TRPM6: variants seen among roughly 807,000 people sequenced by gnomAD.
TRPM6 encodes the protein channel kinase 2.
In TRPM6, 111 loss-of-function variants were observed where a neutral mutation model predicts 247.6. The ratio of observed to expected loss-of-function variants is 0.45; its 90% CI spans 0.38 to 0.52. The LOEUF is 0.52. Among genes scored for constraint, TRPM6 ranks in the 20% least tolerant of loss-of-function variants. The pLI is 0.00. For missense variants in TRPM6, 2,126 were observed against 2,421.5 expected (o/e 0.88, Z 2.56); for synonymous variants, 892 against 853.8 (o/e 1.04, Z -0.78).
intron 1 of TRPM6, among the ~76,000 whole-genome samples, chr9:74,873,001 G>A (rs1022755642): frequency 1.5e-4 from 23 of 152,090 alleles, no homozygotes; most frequent in African/African-American, 5.6e-4. Context: ...TTATTCTCAA[G>A]ATAAAGTTGT....
At chr9:74,741,895 A>AAAAAT (rs1825877417) in intron 33 of TRPM6, among the ~76,000 whole-genome samples, 1 of 151,996 alleles carries the variant, frequency 6.6e-6, no homozygotes, top group Non-Finnish European at 1.5e-5. Context: ...CATCTCAAAA[A>AAAAAT]AAAAATAAAA....
At chr9:74,802,258 G>C (rs1828368652) in intron 15 of TRPM6, 83 bp from the exon 16 acceptor site, 1 of 1,329,812 alleles carries the variant, frequency 7.5e-7, no homozygotes, top group Admixed American at 2.0e-5. Flanking sequence ...AGGTGTCCTA[G>C]AGATTTTTTT....
intron 21 of TRPM6, 61 bp from the exon 22 acceptor site, chr9:74,782,914 A>G: frequency 6.7e-7 from 1 of 1,500,658 alleles, no homozygotes; most frequent in East Asian, 2.3e-5. Flanking sequence ...AAAGAAACCA[A>G]ACACCAGCAG....
At chr9:74,724,873 T>C in intron 38 of TRPM6, 127 bp from the exon 39 acceptor site, 2 of 1,236,432 alleles carry the variant, frequency 1.6e-6, no homozygotes, top group Non-Finnish European at 2.3e-6. Flanking sequence ...CATAGATATG[T>C]GGAACTCAAA....
intron 28 of TRPM6, among the ~76,000 whole-genome samples, chr9:74,754,874 C>T (rs1002495975): frequency 1.3e-5 from 2 of 152,180 alleles, no homozygotes; most frequent in Non-Finnish European, 2.9e-5. Context: ...TCCATCTTCT[C>T]TCCTCTACAA....
At chr9:74,779,050 C>T (rs1412346466) in intron 23 of TRPM6, among the ~76,000 whole-genome samples, 1 of 152,156 alleles carries the variant, frequency 6.6e-6, no homozygotes, top group Non-Finnish European at 1.5e-5. Flanking sequence ...AGACACTGGA[C>T]ATTTTTAATA....
At chr9:74,876,354 A>G (rs975936915) in intron 1 of TRPM6, among the ~76,000 whole-genome samples, 2 of 152,226 alleles carry the variant, frequency 1.3e-5, no homozygotes, top group African/African-American at 2.4e-5. Flanking sequence ...AAGTGCTGGG[A>G]TTACAGGTGT....
intron 14 of TRPM6, chr9:74,804,848 A>G: frequency 2.2e-6 from 1 of 446,346 alleles, no homozygotes; most frequent in Non-Finnish European, 4.0e-6. Flanking sequence ...CTAAAAAAAG[A>G]AAAGTCCGAA....
intron 6 of TRPM6, among the ~76,000 whole-genome samples, chr9:74,833,656 G>T (rs1197200167): frequency 1.3e-5 from 2 of 152,204 alleles, no homozygotes. Context: ...CAATCATTCA[G>T]GCAACAGATA....
intron 1 of TRPM6, among the ~76,000 whole-genome samples, chr9:74,879,198 G>A (rs1381301807): frequency 6.6e-6 from 1 of 151,456 alleles, no homozygotes; most frequent in African/African-American, 2.4e-5. Flanking sequence ...ATATTAGAAA[G>A]CTTCAACAAT....
chr9:74,773,761 C>A (rs572696772), intron 24 of TRPM6, among the ~76,000 whole-genome samples: 1 of 152,102 alleles, frequency 6.6e-6, no homozygotes, highest in Non-Finnish European at 1.5e-5. Flanking sequence ...AAATTAATGA[C>A]AAAAAATCTG....
At chr9:74,837,821 C>G (rs1829783087) in intron 5 of TRPM6, among the ~76,000 whole-genome samples, 1 of 150,536 alleles carries the variant, frequency 6.6e-6, no homozygotes, top group African/African-American at 2.5e-5. Context: ...ATGATCATAG[C>G]TCACTGCAGC....
rs1413650398 is a variant in TRPM6, at chr9:74,737,570, CA to C, written c.5776+836del. On this transcript the variant is annotated intron_variant, in intron 36 of 38. Coordinates refer to ENST00000360774, the MANE Select transcript of TRPM6 (RefSeq NM_017662.5). ...TAAAAGAACAGTGAAAAGAAAAGAA[CA>C]GGGATGTCTTAAGAACAGCTTAAGT... is the stretch of plus-strand genomic sequence containing the variant. The C allele has an allele frequency of 7.3e-6, 4 of 546,596 alleles. No individual in the cohort carries two copies. In the East Asian group the frequency reaches 2.7e-4, roughly 37 times the overall value. 33.9% of individuals were successfully genotyped at this position (546,596 alleles called of 1,614,324 possible). A position where few individuals can be genotyped will look rare whatever the true frequency, so the allele number is the denominator to read the frequency against.
At chr9:74,796,701 A>G in intron 18 of TRPM6, 40 bp downstream of exon 18, 1 of 1,605,906 alleles carries the variant, frequency 6.2e-7, no homozygotes, top group East Asian at 2.2e-5. Flanking sequence ...GCGTGCAGTC[A>G]ATACAATGAA....
At chr9:74,805,665 A>G (rs1828501827) in intron 14 of TRPM6, among the ~76,000 whole-genome samples, 1 of 152,134 alleles carries the variant, frequency 6.6e-6, no homozygotes, top group South Asian at 2.1e-4. Flanking sequence ...AGCAAACTAT[A>G]CCTGGGTGAC....
At chr9:74,760,379 A>C (rs988412922) in intron 27 of TRPM6, among the ~76,000 whole-genome samples, 2 of 152,222 alleles carry the variant, frequency 1.3e-5, no homozygotes, top group Admixed American at 1.3e-4. Flanking sequence ...TCAGTACAGT[A>C]ACATGCTGTA....
rs749470903 is a variant in TRPM6 at position 74,788,649 on chromosome 9, A to G, written c.2632T>C (p.Tyr878His). 6.2e-7 allele frequency: 1 copy of G among 1,613,978 alleles called. No individual in the cohort carries two copies. The highest frequency in any genetic ancestry group is 8.5e-7 in the Non-Finnish European group (1 of 1,179,896). ...ACCTCAATAGCATTGGTGAAGATGT[A>G]AATGCTAACAAGCCACTCCTGCACG... ...PSVQEWLVSI[Y>H]IFTNAIEVVR... Residue 878 changes from tyrosine (Y) to histidine (H), a missense_variant, in exon 20 of 39, where the codon TAC becomes CAC. This residue lies in a region of TRPM6 where 1,082 missense variants were observed against 1,307.9 expected (regional missense o/e 0.83). Transcript: ENST00000360774.
intron 1 of TRPM6, among the ~76,000 whole-genome samples, chr9:74,886,806 C>T (rs1417201009): frequency 1.3e-5 from 2 of 152,270 alleles, no homozygotes; most frequent in East Asian, 3.9e-4. Context: ...GATGAGAAAG[C>T]CGAAGAACAG....
At chr9:74,815,256 T>G (rs1034706597) in intron 11 of TRPM6, among the ~76,000 whole-genome samples, 1 of 152,038 alleles carries the variant, frequency 6.6e-6, no homozygotes, top group Admixed American at 6.6e-5. Flanking sequence ...AAGATTTTTT[T>G]AACTTCCAGA....
Sources: allele counts gnomAD v4.1 joint callset (sites outside exome capture counted in the v4.1 genomes callset), GRCh38; gene constraint gnomAD v4.1.1; regional missense constraint gnomAD v4.1.1; transcripts MANE v1.5; gene names NCBI Gene and HGNC (gene_info 2026-07-23, HGNC 2026-07-21).